Variants in CUX1 observed in about 807,000 individuals in gnomAD.
The protein encoded by CUX1 is cut like homeobox 1.
In CUX1, 31 loss-of-function variants were observed where a neutral mutation model predicts 158.8. That is an observed-to-expected ratio of 0.20 (90% CI 0.15 to 0.26). The LOEUF is 0.26. Among genes scored for constraint, CUX1 ranks in the 10% least tolerant of loss-of-function variants. The pLI is 1.00. For missense variants in CUX1, 1,589 were observed against 2,014.6 expected (o/e 0.79, Z 4.04); for synonymous variants, 879 against 862.1 (o/e 1.02, Z -0.34).
intron 2 of CUX1, among the ~76,000 whole-genome samples, chr7:101,922,128 A>T (rs999924741): frequency 6.6e-6 from 1 of 152,224 alleles, no homozygotes; most frequent in African/African-American, 2.4e-5. Flanking sequence ...AAAAAAAAAA[A>T]ATTGGTTTGT....
chr7:102,244,764 C>T (rs1783652673), intron 23 of CUX1, among the ~76,000 whole-genome samples: 1 of 152,132 alleles, frequency 6.6e-6, no homozygotes, highest in African/African-American at 2.4e-5. Flanking sequence ...CAACATGCCA[C>T]AGGACACTGC....
At chr7:102,096,650 G>A (rs1287995936) in intron 4 of CUX1, among the ~76,000 whole-genome samples, 1 of 152,178 alleles carries the variant, frequency 6.6e-6, no homozygotes, top group South Asian at 2.1e-4. Flanking sequence ...AGGCTGCAGT[G>A]AGCCATGATC....
rs1554537600 is a variant in CUX1, at chr7:102,248,200, G to C, written c.3888-212G>C. On this transcript the variant is annotated intron_variant, in intron 23 of 23. Coordinates refer to ENST00000292535, the MANE Select transcript of CUX1 (RefSeq NM_181552.4). The surrounding 1 kb of genome is among the most constrained non-coding windows in gnomAD (Gnocchi z 5.8). The stretch of plus-strand genomic sequence containing the variant: ...TGGAGAATAGGGGAGTGGTGTCCCA[G>C]CCCTGGGATGGCTCCTGGCCAGGCC... 6.6e-6 allele frequency among the ~76,000 whole-genome samples: 1 copy of C among 152,204 alleles called. No individual in the cohort carries two copies. The highest frequency in any genetic ancestry group is 2.4e-5 in the African/African-American group (1 of 41,456).
chr7:101,883,606 A>AATG (rs1562962654), intron 1 of CUX1, among the ~76,000 whole-genome samples: 1 of 151,310 alleles, frequency 6.6e-6, no homozygotes, highest in African/African-American at 2.4e-5. Context: ...TGAAATTTTA[A>AATG]ATTATTATTA....
At chr7:102,189,504 T>G (rs1473940679) in intron 11 of CUX1, among the ~76,000 whole-genome samples, 1 of 151,412 alleles carries the variant, frequency 6.6e-6, no homozygotes, top group Non-Finnish European at 1.5e-5. Context: ...CAGGCAGTCC[T>G]CCCACCTCAG....
chr7:102,118,495 C>T (rs1429293983), intron 8 of CUX1, among the ~76,000 whole-genome samples: 1 of 152,082 alleles, frequency 6.6e-6, no homozygotes, highest in East Asian at 1.9e-4. Flanking sequence ...CCTAATTATA[C>T]CACTGCACTG....
Position 102,257,504 on chromosome 7 carries a change from A to G in CUX1, c.*8462A>G. 1.0e-6 allele frequency: 1 copy of G among 985,418 alleles called. No homozygotes were observed. The highest frequency in any genetic ancestry group is 1.2e-6 in the Non-Finnish European group (1 of 829,930). 61.0% of individuals were successfully genotyped at this position (985,418 alleles called of 1,614,324 possible). A position where few individuals can be genotyped will look rare whatever the true frequency, so the allele number is the denominator to read the frequency against. On this transcript the variant is annotated 3_prime_UTR_variant, in exon 24 of 24. Coordinates refer to ENST00000292535, the MANE Select transcript of CUX1 (RefSeq NM_181552.4). ...ATTGGAGAATAGCTTGTTATAAAAT[A>G]AAAGTGGGGGTAAAAAGAAGGTGGT...
chr7:101,862,866 A>AT (rs889821347), intron 1 of CUX1, among the ~76,000 whole-genome samples: 7 of 150,286 alleles, frequency 4.7e-5, no homozygotes, highest in Admixed American at 6.7e-5. Context: ...GCTTCAGATT[A>AT]TTTTTTTTCA....
intron 8 of CUX1, among the ~76,000 whole-genome samples, chr7:102,157,295 G>A (rs1789877973): frequency 6.6e-6 from 1 of 151,970 alleles, no homozygotes; most frequent in Non-Finnish European, 1.5e-5. Flanking sequence ...CCCTGTGGCT[G>A]TAACATTGGC....
At chr7:102,135,689 T>C (rs1258607601) in intron 8 of CUX1, among the ~76,000 whole-genome samples, 2 of 151,956 alleles carry the variant, frequency 1.3e-5, no homozygotes, top group Non-Finnish European at 2.9e-5. Context: ...AAATAGTCTT[T>C]TCAGGCCAGG....
At position 102,252,241 on chromosome 7, in the gene CUX1, C is replaced by G. The variant is rs781387470; in HGVS notation, c.*3199C>G. 22 of 985,316 alleles carry G rather than the reference C, an allele frequency of 2.2e-5. No homozygotes were observed. Among genetic ancestry groups the G allele is most frequent in the Non-Finnish European group, 2.0e-5 (17 of 829,974 alleles). 61.0% of individuals were successfully genotyped at this position (985,316 alleles called of 1,614,324 possible). ...AGCAATCCGTGGCCAGGGGAGCACC[C>G]CCTCCTGGTTGGGCCCCTCAGTTGG... On this transcript the variant is annotated 3_prime_UTR_variant, in exon 24 of 24. Coordinates refer to ENST00000292535, the MANE Select transcript of CUX1 (RefSeq NM_181552.4).
intron 1 of CUX1, among the ~76,000 whole-genome samples, chr7:101,821,486 T>G (rs546465795): frequency 4.9e-5 from 7 of 143,310 alleles, no homozygotes; most frequent in Non-Finnish European, 7.7e-5. Context: ...CTACAGGCGC[T>G]GGCCACCAGG....
chr7:102,195,691 A>T, intron 14 of CUX1, 88 bp downstream of exon 14: 1 of 1,203,734 alleles, frequency 8.3e-7, no homozygotes, highest in East Asian at 2.7e-5. Flanking sequence ...GTGAGTCTGG[A>T]CAGATGCATG....
intron 1 of CUX1, among the ~76,000 whole-genome samples, chr7:101,871,987 C>T (rs1798606231): frequency 6.7e-6 from 1 of 148,772 alleles, no homozygotes; most frequent in African/African-American, 2.5e-5. Context: ...CACTGCACTC[C>T]AGCCTTGGCG....
intron 20 of CUX1, among the ~76,000 whole-genome samples, chr7:102,216,657 TCCCACACACACTCACACACACACACTCC>T (rs1201180831): frequency 3.0e-4 from 10 of 33,598 alleles, no homozygotes; most frequent in African/African-American, 8.4e-4. Flanking sequence ...ACACACACTC[TCCCACACACACTCACACACACACACTCC>T]CCCACACACA....
chr7:101,889,509 A>G (rs1800626440), intron 1 of CUX1, among the ~76,000 whole-genome samples: 1 of 151,966 alleles, frequency 6.6e-6, no homozygotes, highest in Non-Finnish European at 1.5e-5. Context: ...AGTGGTTCAC[A>G]CCTGTCATCC....
Position 102,048,393 on chromosome 7 carries a change from G to A in CUX1, c.189+20248G>A, listed in dbSNP as rs529167951. Among the ~76,000 whole-genome samples the A allele has an allele frequency of 1.0e-3, 156 of 152,340 alleles. 2 individuals carry two copies. The highest frequency in any genetic ancestry group is 5.6e-3 in the South Asian group (27 of 4,828). ...AGAAAAGCCTCATGGACACAGCCCT[G>A]TGAGGTCAGAAATAGACCGAACAGG... On this transcript the variant is annotated intron_variant, in intron 3 of 23. Transcript: ENST00000292535.
chr7:101,988,126 C>T (rs1038768351), intron 2 of CUX1, among the ~76,000 whole-genome samples: 9 of 151,974 alleles, frequency 5.9e-5, no homozygotes, highest in African/African-American at 1.7e-4. Flanking sequence ...GCAGGAGAAT[C>T]ACTTGAACCC....
At chr7:102,148,786 C>A (rs1835294766) in intron 8 of CUX1, among the ~76,000 whole-genome samples, 1 of 150,654 alleles carries the variant, frequency 6.6e-6, no homozygotes, top group Non-Finnish European at 1.5e-5. Flanking sequence ...TAGGTGCACC[C>A]ATCACCTAAG....
Sources: allele counts gnomAD v4.1 joint callset (sites outside exome capture counted in the v4.1 genomes callset), GRCh38; gene constraint gnomAD v4.1.1; non-coding constraint Gnocchi (gnomAD v3.1); transcripts MANE v1.5; gene names NCBI Gene and HGNC (gene_info 2026-07-23, HGNC 2026-07-21).